Variants in MUC5B observed in about 807,000 individuals in gnomAD.
The protein encoded by MUC5B is mucin-5B.
In MUC5B, 116 loss-of-function variants were observed where a neutral mutation model predicts 376.9. The observed-to-expected ratio is 0.31, with a 90% CI of 0.26 to 0.36. MUC5B has a LOEUF of 0.36. Ranked by LOEUF, MUC5B falls within the 10% of genes least tolerant of loss-of-function variation. MUC5B has a pLI of 1.00. For synonymous variants in MUC5B, 3,517 were observed against 3,390.9 expected, an observed-to-expected ratio of 1.04 and a Z score of -1.29; for missense variants, 7,165 against 7,769.9, an observed-to-expected ratio of 0.92 and a Z score of 2.93.
rs765617994 is a variant in MUC5B, at chr11:1,250,778, G to A, written c.13898G>A (p.Ser4633Asn). Residue 4633 changes from serine to asparagine, a missense_variant, in exon 31 of 49, where the codon AGT (serine) becomes AAT (asparagine). By Grantham distance (46) the Ser-to-Asn change is conservative. Coordinates refer to ENST00000529681, the MANE Select transcript of MUC5B (RefSeq NM_002458.3). ...TTPTTTTPTTSGSTVTPSSIP... is the reference protein window; with the variant it reads ...TTPTTTTPTTNGSTVTPSSIP... ...CCCACAACCACCACACCCACAACCA[G>A]TGGCTCCACGGTGACCCCCTCCTCC... 6.2e-7 allele frequency: 1 copy of A among 1,611,838 alleles called. No individual in the cohort carries two copies. The highest frequency in any genetic ancestry group is 8.5e-7 in the Non-Finnish European group (1 of 1,179,088).
In MUC5B at chr11:1,257,429, C is replaced by T. The variant is rs1435276683; in HGVS notation, c.16270-101C>T. 7 of 1,399,300 alleles carry T rather than the reference C, an allele frequency of 5.0e-6. No individual in the cohort carries two copies. The highest frequency in any genetic ancestry group is 4.8e-5 in the East Asian group (2 of 41,308). The allele number at this position is 1,399,300 out of a possible 1,614,324, so 86.7% of individuals were successfully genotyped here. On this transcript the variant is annotated intron_variant, in intron 40 of 48. Coordinates refer to ENST00000529681, the MANE Select transcript of MUC5B (RefSeq NM_002458.3). This position sits in a 1 kb window ranked among gnomAD's most constrained non-coding sequence, Gnocchi z 8.9. ...GCGCTTCCTGCCCCATCACTCTGGG[C>T]CACTCGGGTACCAGCCCGAGGGAGG...
At chr11:1,238,558 C>T (rs1411627306) in intron 25 of MUC5B, among the ~76,000 whole-genome samples, 1 of 152,128 alleles carries the variant, frequency 6.6e-6, no homozygotes, top group Non-Finnish European at 1.5e-5. Flanking sequence ...TAGAAAGATC[C>T]AAAGAGCACA....
At chr11:1,254,624 A>C in intron 34 of MUC5B, 70 bp from the exon 35 acceptor site, 8 of 1,479,624 alleles carry the variant, frequency 5.4e-6, no homozygotes, top group Non-Finnish European at 7.3e-6. Context: ...CAGAGCCCCA[A>C]AGAGAAGCCC....
chr11:1,223,221 C>T lies in MUC5B; in HGVS notation c.70+28C>T, dbSNP rs766549650. ...AAGAGCCCCCCACTCCGCCCCCTCT[C>T]GATGCTGTCTTCACGGCGGGGGTCT... is the stretch of plus-strand genomic sequence containing the variant. On this transcript the variant is annotated intron_variant, in intron 1 of 48. Coordinates refer to ENST00000529681, the MANE Select transcript of MUC5B (RefSeq NM_002458.3). 39 of 708,726 alleles carry T rather than the reference C, an allele frequency of 5.5e-5. No homozygotes were observed. In the African/African-American group the frequency reaches 5.8e-4, roughly 10 times the overall value. 43.9% of individuals were successfully genotyped at this position (708,726 alleles called of 1,614,324 possible).
rs55811120 is a variant in MUC5B, at chr11:1,253,258, G to A, written c.15217+278G>A. On this transcript the variant is annotated intron_variant, in intron 33 of 48. Coordinates refer to ENST00000529681, the MANE Select transcript of MUC5B (RefSeq NM_002458.3). The surrounding 1 kb of genome is among the most constrained non-coding windows in gnomAD (Gnocchi z 4.3). Reference sequence around the variant, plus strand: ...CGTCGTGAGAGCTGTTAGTATGCAGGCTCCGTGTCCACAGGGCTGAAAATG... The same window carrying A: ...CGTCGTGAGAGCTGTTAGTATGCAGACTCCGTGTCCACAGGGCTGAAAATG... Among the ~76,000 whole-genome samples, 9,490 of 152,174 alleles carry A rather than the reference G, an allele frequency of 0.062. 341 individuals carry two copies. Among genetic ancestry groups the A allele is most frequent in the Admixed American group, 0.11 (1,680 of 15,290 alleles).
chr11:1,258,500 C>T lies in MUC5B; in HGVS notation c.16593+133C>T. ...GGCCGATCCGCACAGGGGCCCTGGA[C>T]ACGTCAGAGCTGGGACATGCTTGGG... On this transcript the variant is annotated intron_variant, in intron 43 of 48. Coordinates refer to ENST00000529681, the MANE Select transcript of MUC5B (RefSeq NM_002458.3). The surrounding 1 kb of genome is among the most constrained non-coding windows in gnomAD (Gnocchi z 5.5). The T allele has an allele frequency of 9.4e-7, 1 of 1,067,792 alleles. No individual in the cohort carries two copies. The highest frequency in any genetic ancestry group is 1.6e-5 in the South Asian group (1 of 61,872). The allele number at this position is 1,067,792 out of a possible 1,614,324, so 66.1% of individuals were successfully genotyped here.
rs756988226 is a variant in MUC5B at position 1,254,198 on chromosome 11, C to T, written c.15324C>T (p.Arg5108=). The change falls in exon 34 of 49, where the codon CGC becomes CGT. Residue 5108 remains arginine, a synonymous_variant. Coordinates refer to ENST00000529681, the MANE Select transcript of MUC5B (RefSeq NM_002458.3). ...TYVLMREIHA[R]FGNLSLYLDN... ...TCCTCATGAGAGAGATCCATGCACG[C>T]TTTGGGAATCTCAGCCTCTACCTGG... is the stretch of plus-strand genomic sequence containing the variant. The T allele has an allele frequency of 8.1e-6, 13 of 1,612,882 alleles. No individual in the cohort carries two copies. Among genetic ancestry groups the T allele is most frequent in the Non-Finnish European group, 9.3e-6 (11 of 1,179,880 alleles).
rs751623974 is a variant in MUC5B at position 1,232,039 on chromosome 11, G to C, written c.1722G>C (p.Thr574=). ...ACCAGAACCAGGCTGACGACTTCAC[G>C]GCCCTCAGCGGGGTGGTGGAGGCCA... ...NFNQNQADDF[T]ALSGVVEATG... is the part of the protein sequence containing the mutation. The change falls in exon 15 of 49, where the codon ACG becomes ACC. Residue 574 remains threonine, a synonymous_variant. Coordinates refer to ENST00000529681, the MANE Select transcript of MUC5B (RefSeq NM_002458.3). The C allele has an allele frequency of 6.2e-7, 1 of 1,612,776 alleles. No homozygotes were observed. Among genetic ancestry groups the C allele is most frequent in the East Asian group, 2.2e-5 (1 of 44,876 alleles).
chr11:1,225,733 T>C lies in MUC5B; in HGVS notation c.123T>C (p.Asp41=). The change falls in exon 2 of 49, where the codon GAT becomes GAC. Residue 41 remains aspartate, a synonymous_variant. Coordinates refer to ENST00000529681, the MANE Select transcript of MUC5B (RefSeq NM_002458.3). The stretch of plus-strand genomic sequence containing the variant: ...GGGAGAATGCAGGGCACACCATGGA[T>C]GGCGGTATGTGGCCAGGTTCGGGGG... ...PSWENAGHTM[D]GGAPTSSPTR... 2 of 1,602,698 alleles carry C rather than the reference T, an allele frequency of 1.2e-6. No homozygotes were observed. Among genetic ancestry groups the C allele is most frequent in the Non-Finnish European group, 1.7e-6 (2 of 1,175,426 alleles).
At chr11:1,239,144 C>A in intron 26 of MUC5B, 117 bp downstream of exon 26, 1 of 1,254,808 alleles carries the variant, frequency 8.0e-7, no homozygotes, top group Non-Finnish European at 1.1e-6. Context: ...ACATCCAACA[C>A]GCATGTGCCT....
intron 34 of MUC5B, 125 bp from the exon 35 acceptor site, chr11:1,254,569 G>C: frequency 1.6e-6 from 2 of 1,240,960 alleles, no homozygotes; most frequent in Non-Finnish European, 2.2e-6. Flanking sequence ...GGAAGATCTG[G>C]GCTTTGGGGT....
rs2735711 is a variant in MUC5B at position 1,231,906 on chromosome 11, C to T, written c.1679-90C>T. 0.075 allele frequency: 116,549 copies of T among 1,547,684 alleles called. 4,904 individuals carry two copies. Among genetic ancestry groups the T allele is most frequent in the Admixed American group, 0.12 (6,595 of 55,114 alleles). Reference sequence around the variant, plus strand: ...CCTGGGACAGGGCTCCCAGCCGTTCCACCCTGTGTGGTGCCTGGAGGGATG... The same window carrying T: ...CCTGGGACAGGGCTCCCAGCCGTTCTACCCTGTGTGGTGCCTGGAGGGATG... On this transcript the variant is annotated intron_variant, in intron 14 of 48. Coordinates refer to ENST00000529681, the MANE Select transcript of MUC5B (RefSeq NM_002458.3).
In MUC5B at chr11:1,226,291, C is replaced by T. The variant is rs749313437; in HGVS notation, c.199+15C>T. ...CAGCCTGAGCCGTAAGCAGATGCTG[C>T]CCCTGCCAGCCGGGAAGGGGGTGTT... On this transcript the variant is annotated intron_variant, in intron 3 of 48. Transcript: ENST00000529681. 7.1e-6 allele frequency: 11 copies of T among 1,550,762 alleles called. No individual in the cohort carries two copies. Among genetic ancestry groups the T allele is most frequent in the Non-Finnish European group, 9.6e-6 (11 of 1,148,078 alleles).
At chr11:1,232,234 C>G (rs575212514) in intron 15 of MUC5B, 74 bp downstream of exon 15, 11 of 1,475,248 alleles carry the variant, frequency 7.5e-6, no homozygotes, top group Non-Finnish European at 1.0e-5. Flanking sequence ...CCCTGGGCCA[C>G]GGGGACCCCT....
At chr11:1,235,554 A>G (rs1862138544) in intron 23 of MUC5B, 141 bp downstream of exon 23, 3 of 714,910 alleles carry the variant, frequency 4.2e-6, no homozygotes. Context: ...GCAGCCACAA[A>G]CCAGGGGGCT....
In MUC5B at chr11:1,261,666, T is replaced by C. The variant is rs150382557; in HGVS notation, c.*58T>C. On this transcript the variant is annotated 3_prime_UTR_variant, in exon 49 of 49. Coordinates refer to ENST00000529681, the MANE Select transcript of MUC5B (RefSeq NM_002458.3). The stretch of plus-strand genomic sequence containing the variant: ...ACCTGGAGCCAGGATGTGCATTGTC[T>C]GATCATGAAAACCTTGGGCCTCCTC... The C allele has an allele frequency of 4.1e-4, 620 of 1,508,556 alleles. 7 individuals are homozygous for C. In the African/African-American group the frequency reaches 7.7e-3, roughly 19 times the overall value. 93.4% of individuals were successfully genotyped at this position (1,508,556 alleles called of 1,614,324 possible). A position where few individuals can be genotyped will look rare whatever the true frequency, so the allele number is the denominator to read the frequency against.
chr11:1,259,954 G>T lies in MUC5B; in HGVS notation c.16801-9G>T, dbSNP rs769950600. 1 of 1,613,004 alleles carries T rather than the reference G, an allele frequency of 6.2e-7. No individual in the cohort carries two copies. The highest frequency in any genetic ancestry group is 8.5e-7 in the Non-Finnish European group (1 of 1,179,738). On this transcript the variant is annotated splice_polypyrimidine_tract_variant and intron_variant, in intron 45 of 48. Transcript: ENST00000529681. Reference sequence around the variant, plus strand: ...CTACTCAGCTTCCACACTCACCCTTGCATTTCAGCTGAATGAAACCTGGGT... The same window carrying T: ...CTACTCAGCTTCCACACTCACCCTTTCATTTCAGCTGAATGAAACCTGGGT...
In MUC5B at chr11:1,255,507, C is replaced by T. The variant is rs1862817003; in HGVS notation, c.16015C>T (p.Arg5339Cys). The T allele has an allele frequency of 6.4e-7, 1 of 1,554,976 alleles. No homozygotes were observed. Among genetic ancestry groups the T allele is most frequent in the Non-Finnish European group, 8.7e-7 (1 of 1,149,588 alleles). The change falls in exon 37 of 49, where the codon CGC becomes TGC. Residue 5339 changes from arginine (R) to cysteine (C), a missense_variant. Transcript: ENST00000529681. Reference protein sequence around the residue: ...QSLEAYAELCRARGVCSDWRG... With the variant: ...QSLEAYAELCCARGVCSDWRG... ...CCTGGAGGCTTACGCAGAGCTCTGC[C>T]GCGCCCGGGGAGTGTGCAGTGACTG... is the stretch of plus-strand genomic sequence containing the variant.
rs1862483568 is a variant in MUC5B at position 1,246,758 on chromosome 11, T to C, written c.9878T>C (p.Val3293Ala). Residue 3293 changes from valine to alanine, a missense_variant, in exon 31 of 49, where the codon GTG (valine) becomes GCG (alanine). Physicochemically the swap from Val to Ala is moderately conservative, Grantham distance 64. Coordinates refer to ENST00000529681, the MANE Select transcript of MUC5B (RefSeq NM_002458.3). ...TTTTTRATGS[V>A]ATPSSTPGTA... ...ACCACAACCAGGGCCACCGGCTCTG[T>C]GGCCACCCCCTCCTCCACCCCAGGA... The C allele has an allele frequency of 6.9e-6, 11 of 1,601,466 alleles. No individual in the cohort carries two copies. Among genetic ancestry groups the C allele is most frequent in the Non-Finnish European group, 9.4e-6 (11 of 1,174,958 alleles).
Sources: allele counts gnomAD v4.1 joint callset (sites outside exome capture counted in the v4.1 genomes callset), GRCh38; gene constraint gnomAD v4.1.1; non-coding constraint Gnocchi (gnomAD v3.1); transcripts MANE v1.5; gene names NCBI Gene and HGNC (gene_info 2026-07-23, HGNC 2026-07-21).